The following AGBL3 variants were observed in gnomAD, a reference collection of about 807,000 sequenced individuals.
AGBL3 encodes AGBL carboxypeptidase 3, also known as cytosolic carboxypeptidase 3.
Under a neutral mutation model 94.5 loss-of-function variants are expected in AGBL3, and 68 were observed. The ratio of observed to expected loss-of-function variants is 0.72; its 90% CI spans 0.59 to 0.88. The LOEUF is 0.88. Among genes scored for constraint, AGBL3 ranks in the 40% least tolerant of loss-of-function variants. The probability of loss-of-function intolerance (pLI) is 0.00; values close to 1 mark genes in which losing one functional copy is unlikely to be tolerated. For missense variants in AGBL3, 934 were observed against 1,103.8 expected (o/e 0.85, Z 2.18); for synonymous variants, 354 against 370.7 (o/e 0.95, Z 0.52).
intron 11 of AGBL3, 99 bp from the exon 12 acceptor site, chr7:135,059,070 A>G: frequency 1.0e-6 from 1 of 968,436 alleles, no homozygotes; most frequent in Non-Finnish European, 1.5e-6. Context: ...TCTTATAATT[A>G]GAACTTTTCA....
chr7:135,013,543 T>C (rs569075276), intron 4 of AGBL3, among the ~76,000 whole-genome samples: 1 of 152,212 alleles, frequency 6.6e-6, no homozygotes, highest in African/African-American at 2.4e-5. Context: ...GTGAAGTGGG[T>C]GGGAAAAACA....
At chr7:135,076,783 G>A (rs1002841006) in intron 13 of AGBL3, among the ~76,000 whole-genome samples, 12 of 124,046 alleles carry the variant, frequency 9.7e-5, no homozygotes, top group African/African-American at 3.2e-4. Context: ...GGAATATAAG[G>A]GTATAAAAAT....
intron 11 of AGBL3, among the ~76,000 whole-genome samples, chr7:135,048,973 A>T (rs573288042): frequency 1.3e-5 from 2 of 151,270 alleles, no homozygotes; most frequent in East Asian, 3.9e-4. Flanking sequence ...AAAAGCCTTC[A>T]GTTTTTTACC....
In AGBL3 at chr7:135,104,467, G is replaced by A. The variant is rs151131997; in HGVS notation, c.2111-10913G>A. On this transcript the variant is annotated intron_variant, in intron 15 of 16. Coordinates refer to ENST00000436302, the MANE Select transcript of AGBL3 (RefSeq NM_178563.4). ...CCCAGTAATAGAATTACCAGGTTGAGTGGTAATTCTGTTTTTAGCTCCTTA... is the reference window on the plus strand; with the variant it reads ...CCCAGTAATAGAATTACCAGGTTGAATGGTAATTCTGTTTTTAGCTCCTTA... Among the ~76,000 whole-genome samples the A allele has an allele frequency of 2.5e-3, 386 of 152,226 alleles. 1 individual carries two copies. The highest frequency in any genetic ancestry group is 8.7e-3 in the African/African-American group (360 of 41,528).
intron 5 of AGBL3, among the ~76,000 whole-genome samples, chr7:135,019,259 T>C (rs1327182537): frequency 6.6e-6 from 1 of 152,248 alleles, no homozygotes; most frequent in Non-Finnish European, 1.5e-5. Flanking sequence ...GTCATATATA[T>C]ATGATATAGT....
chr7:134,993,073 A>C (rs1244299163), intron 3 of AGBL3, among the ~76,000 whole-genome samples: 1 of 152,206 alleles, frequency 6.6e-6, no homozygotes, highest in Non-Finnish European at 1.5e-5. Context: ...TAGAAGGAGA[A>C]CTGAGAAAAA....
At position 134,994,736 on chromosome 7, in the gene AGBL3, GGA is replaced by G. The variant is rs1051281963; in HGVS notation, c.310+1067_310+1068del. Reference sequence around the variant, plus strand: ...ATAGACATGGGGAGAAAGGACGGGTGGAGAGAGAGAAAGAACACTGATTTTTG... The same window carrying G: ...ATAGACATGGGGAGAAAGGACGGGTGGAGAGAGAAAGAACACTGATTTTTG... On this transcript the variant is annotated intron_variant, in intron 4 of 16. Coordinates refer to ENST00000436302, the MANE Select transcript of AGBL3 (RefSeq NM_178563.4). Among the ~76,000 whole-genome samples, 24 of 152,260 alleles carry G rather than the reference GGA, an allele frequency of 1.6e-4. No homozygotes were observed. The Middle Eastern group carries it at 0.01, about 65-fold the overall frequency.
chr7:135,047,757 T>G (rs1448775118), intron 11 of AGBL3, among the ~76,000 whole-genome samples: 6 of 152,022 alleles, frequency 3.9e-5, no homozygotes, highest in Non-Finnish European at 7.4e-5. Flanking sequence ...GAATTCCTTA[T>G]ATATTTTGTA....
chr7:135,080,157 A>T (rs142549452), intron 13 of AGBL3, 46 bp from the exon 14 acceptor site: 1 of 1,360,224 alleles, frequency 7.4e-7, no homozygotes. Flanking sequence ...ACCCCATTTC[A>T]TGTTGATAAA....
chr7:135,007,992 A>G (rs1218194181), intron 4 of AGBL3, among the ~76,000 whole-genome samples: 1 of 152,046 alleles, frequency 6.6e-6, no homozygotes, highest in Non-Finnish European at 1.5e-5. Flanking sequence ...GAAAATAAAG[A>G]TCTAGATAAA....
At chr7:135,129,138 T>A in intron 16 of AGBL3, 1 of 1,509,826 alleles carries the variant, frequency 6.6e-7, no homozygotes, top group East Asian at 2.3e-5. Flanking sequence ...ATTTGCCTAT[T>A]ATGACTGCCT....
chr7:135,108,266 C>T (rs893769859), intron 15 of AGBL3, among the ~76,000 whole-genome samples: 2 of 152,112 alleles, frequency 1.3e-5, no homozygotes, highest in African/African-American at 4.8e-5. Flanking sequence ...GTGTTGTTAG[C>T]TGTTTATTAT....
At chr7:135,128,291 C>CAAAAAAAAAAAAAAAAAAA (rs61217008) in intron 16 of AGBL3, among the ~76,000 whole-genome samples, 2 of 58,072 alleles carry the variant, frequency 3.4e-5, no homozygotes, top group African/African-American at 1.6e-4. Flanking sequence ...GACTCCATCT[C>CAAAAAAAAAAAAAAAAAAA]AAAAAAAAAA....
intron 1 of AGBL3, among the ~76,000 whole-genome samples, chr7:134,987,412 AG>A (rs1809608603): frequency 1.3e-5 from 2 of 152,254 alleles, no homozygotes; most frequent in Non-Finnish European, 1.5e-5. Flanking sequence ...AATGAATATT[AG>A]AACAGACAGT....
rs1216668846 is a variant in AGBL3, at chr7:135,080,211, T to C, written c.1989T>C (p.Asp663=). The C allele has an allele frequency of 6.5e-7, 1 of 1,548,004 alleles. No individual in the cohort carries two copies. The highest frequency in any genetic ancestry group is 1.4e-5 in the African/African-American group (1 of 72,970). Residue 663 remains aspartate, a synonymous_variant, in exon 14 of 17, where the codon GAT becomes GAC. Transcript: ENST00000436302. The part of the protein sequence containing the change: ...HQNARGQEVY[D]RGHLLQRHTQ... Reference sequence around the variant, plus strand: ...ATTCTACATTCCATTAGGTTTATGATAGAGGGCATTTGCTGCAAAGACACA... The same window carrying C: ...ATTCTACATTCCATTAGGTTTATGACAGAGGGCATTTGCTGCAAAGACACA...
chr7:135,048,616 T>G (rs1817590901), intron 11 of AGBL3, among the ~76,000 whole-genome samples: 1 of 151,932 alleles, frequency 6.6e-6, no homozygotes, highest in Admixed American at 6.6e-5. Context: ...AATGGGATAT[T>G]TTGTAAAATG....
At chr7:135,076,898 A>T (rs975174000) in intron 13 of AGBL3, among the ~76,000 whole-genome samples, 37 of 151,312 alleles carry the variant, frequency 2.4e-4, no homozygotes, top group African/African-American at 8.0e-4. Context: ...CAACAACAAC[A>T]AACAACAACA....
chr7:135,109,462 G>T (rs35614245), intron 15 of AGBL3, among the ~76,000 whole-genome samples: 66,803 of 151,646 alleles, frequency 0.44, 15,312 homozygotes, highest in East Asian at 0.77. Flanking sequence ...CAGGATGGGG[G>T]CCCACATAAC....
At chr7:135,102,051 A>G (rs1207028206) in intron 15 of AGBL3, among the ~76,000 whole-genome samples, 1 of 152,196 alleles carries the variant, frequency 6.6e-6, no homozygotes, top group Admixed American at 6.5e-5. Context: ...CCCTAGCCAC[A>G]TAGAATCGTG....
Sources: allele counts gnomAD v4.1 joint callset (sites outside exome capture counted in the v4.1 genomes callset), GRCh38; gene constraint gnomAD v4.1.1; transcripts MANE v1.5; gene names NCBI Gene and HGNC (gene_info 2026-07-23, HGNC 2026-07-21).